PDGFC: variants seen among roughly 807,000 people sequenced by gnomAD.
PDGFC encodes platelet-derived growth factor C.
PDGFC carries 12 observed loss-of-function variants against 35.5 expected under a neutral mutation model. That is an observed-to-expected ratio of 0.34 (90% CI 0.22 to 0.55). The LOEUF (loss-of-function observed/expected upper bound fraction) is 0.55, where lower values mean the gene tolerates loss of function less well. Among genes scored for constraint, PDGFC ranks in the 20% least tolerant of loss-of-function variants. PDGFC has a pLI of 0.91. For missense variants in PDGFC, 322 were observed against 412.4 expected (o/e 0.78, Z 1.90); for synonymous variants, 159 against 148.8 (o/e 1.07, Z -0.50).
chr4:156,826,115 T>G (rs142735272), intron 2 of PDGFC, among the ~76,000 whole-genome samples: 1 of 146,024 alleles, frequency 6.8e-6, no homozygotes, highest in Non-Finnish European at 1.5e-5. Context: ...TCCTCCCACA[T>G]TGGCCTCCCA....
At chr4:156,820,198 T>C (rs1040590243) in intron 2 of PDGFC, among the ~76,000 whole-genome samples, 1 of 152,222 alleles carries the variant, frequency 6.6e-6, no homozygotes, top group African/African-American at 2.4e-5. Flanking sequence ...AAGGGATTTA[T>C]AATATTCCAT....
At chr4:156,955,200 C>T (rs1327937359) in intron 1 of PDGFC, among the ~76,000 whole-genome samples, 5 of 151,924 alleles carry the variant, frequency 3.3e-5, no homozygotes, top group Non-Finnish European at 7.4e-5. Flanking sequence ...CCCTTCCATT[C>T]CACACCCCAG....
chr4:156,893,673 A>C (rs1730566805), intron 1 of PDGFC, among the ~76,000 whole-genome samples: 1 of 151,854 alleles, frequency 6.6e-6, no homozygotes, highest in Admixed American at 6.6e-5. Flanking sequence ...TACCATCAAA[A>C]AAAAAAAAAA....
At chr4:156,892,471 G>T (rs540855016) in intron 1 of PDGFC, among the ~76,000 whole-genome samples, 1 of 151,636 alleles carries the variant, frequency 6.6e-6, no homozygotes, top group Non-Finnish European at 1.5e-5. Context: ...TTTCCTGATG[G>T]TACCACCATT....
chr4:156,824,292 A>G (rs1732359055), intron 2 of PDGFC, among the ~76,000 whole-genome samples: 1 of 30,792 alleles, frequency 3.2e-5, no homozygotes, highest in Non-Finnish European at 7.0e-5. Flanking sequence ...AAGCATATAT[A>G]TATATATATA....
chr4:156,792,695 A>G (rs998243365), intron 3 of PDGFC, among the ~76,000 whole-genome samples: 1 of 152,204 alleles, frequency 6.6e-6, no homozygotes, highest in Non-Finnish European at 1.5e-5. Context: ...AAGTCTACAG[A>G]CCTATCTAAA....
intron 1 of PDGFC, among the ~76,000 whole-genome samples, chr4:156,955,068 A>T (rs1168933498): frequency 1.3e-5 from 2 of 152,074 alleles, no homozygotes; most frequent in African/African-American, 4.8e-5. Context: ...AGTTTAGAGA[A>T]GAGAGACATA....
At chr4:156,863,595 T>G (rs929392375) in intron 1 of PDGFC, among the ~76,000 whole-genome samples, 11 of 152,172 alleles carry the variant, frequency 7.2e-5, no homozygotes, top group African/African-American at 2.7e-4. Context: ...GTGGGTTATT[T>G]GTGGGGTGTT....
At chr4:156,914,460 GA>G (rs1182924369) in intron 1 of PDGFC, among the ~76,000 whole-genome samples, 1 of 152,042 alleles carries the variant, frequency 6.6e-6, no homozygotes, top group East Asian at 1.9e-4. Context: ...AATGTAAACT[GA>G]AAAAGGTTCT....
At chr4:156,821,104 G>C (rs1004445569) in intron 2 of PDGFC, among the ~76,000 whole-genome samples, 10 of 152,094 alleles carry the variant, frequency 6.6e-5, no homozygotes, top group Admixed American at 6.5e-4. Context: ...TCAGGAGTGG[G>C]ACAAGATGGC....
At chr4:156,922,745 C>T (rs1005153128) in intron 1 of PDGFC, among the ~76,000 whole-genome samples, 4 of 151,778 alleles carry the variant, frequency 2.6e-5, no homozygotes, top group Admixed American at 6.6e-5. Context: ...GGTTGGGGGT[C>T]GGGGGGTGTT....
At chr4:156,808,524 C>A (rs1252538383) in intron 3 of PDGFC, among the ~76,000 whole-genome samples, 3 of 151,808 alleles carry the variant, frequency 2.0e-5, no homozygotes, top group Non-Finnish European at 4.4e-5. Context: ...GACCCTTGCC[C>A]CTGAGCAAAG....
intron 1 of PDGFC, among the ~76,000 whole-genome samples, chr4:156,922,102 G>A (rs966840470): frequency 3.3e-5 from 5 of 151,810 alleles, no homozygotes; most frequent in Non-Finnish European, 5.9e-5. Flanking sequence ...TATATTGTAA[G>A]GAGCAAAGAA....
chr4:156,915,534 A>G (rs1443223), intron 1 of PDGFC, among the ~76,000 whole-genome samples: 86,168 of 152,012 alleles, frequency 0.57, 24,694 homozygotes, highest in East Asian at 0.7. Flanking sequence ...GGCAGGGTGC[A>G]GTGATCCCAG....
intron 1 of PDGFC, among the ~76,000 whole-genome samples, chr4:156,968,514 G>A (rs966945637): frequency 3.3e-5 from 5 of 152,158 alleles, no homozygotes; most frequent in Admixed American, 3.3e-4. Context: ...ACAAAAAGAA[G>A]AAGAAGTAGA....
At chr4:156,802,134 AG>A (rs1731628956) in intron 3 of PDGFC, among the ~76,000 whole-genome samples, 1 of 152,150 alleles carries the variant, frequency 6.6e-6, no homozygotes, top group Admixed American at 6.6e-5. Context: ...CGTTGGAGAA[AG>A]GCATGGGCCA....
chr4:156,928,788 T>G (rs1447964381), intron 1 of PDGFC, among the ~76,000 whole-genome samples: 1 of 152,240 alleles, frequency 6.6e-6, no homozygotes, highest in Non-Finnish European at 1.5e-5. Context: ...CATAATAGAC[T>G]TTTGGAAAAC....
At chr4:156,871,990 C>T (rs1021276664) in intron 1 of PDGFC, among the ~76,000 whole-genome samples, 8 of 151,454 alleles carry the variant, frequency 5.3e-5, no homozygotes, top group African/African-American at 1.9e-4. Context: ...CCCAATAAAG[C>T]AATGGCAAAT....
At chr4:156,865,258 G>A (rs1228111292) in intron 1 of PDGFC, among the ~76,000 whole-genome samples, 1 of 151,384 alleles carries the variant, frequency 6.6e-6, no homozygotes, top group Non-Finnish European at 1.5e-5. Context: ...TGAACACAGG[G>A]GTATCATTTC....
Sources: gnomAD v4.1 joint callset for allele counts (sites outside exome capture counted in the v4.1 genomes callset) on GRCh38, gnomAD v4.1.1 for gene constraint, MANE v1.5 for transcripts, NCBI Gene and HGNC (gene_info 2026-07-23, HGNC 2026-07-21) for gene names.